Variants in EIF4A2 observed in about 807,000 individuals in gnomAD.
EIF4A2 encodes the protein eukaryotic translation initiation factor 4A2, also known as eukaryotic initiation factor 4A-II.
A neutral mutation model predicts 50.6 loss-of-function variants in EIF4A2; 9 were observed. The observed-to-expected ratio is 0.18, with a 90% CI of 0.11 to 0.31. The LOEUF is 0.31. EIF4A2 is among the 10% of genes least tolerant of loss of function. The pLI, the probability that EIF4A2 is intolerant of heterozygous loss-of-function variation, is 1.00. For missense variants in EIF4A2, 182 were observed against 501.8 expected (o/e 0.36, Z 6.09); for synonymous variants, 215 against 164.4 (o/e 1.31, Z -2.35).
intron 1 of EIF4A2, 171 bp downstream of exon 1, chr3:186,783,810 G>A (rs1308672402): frequency 2.8e-6 from 3 of 1,061,986 alleles, no homozygotes; most frequent in South Asian, 2.9e-5. Context: ...CGGATTGTGG[G>A]GAGATAGGAC....
chr3:186,784,300 C>G, intron 1 of EIF4A2, 132 bp from the exon 2 acceptor site: 1 of 1,321,598 alleles, frequency 7.6e-7, no homozygotes, highest in African/African-American at 1.5e-5. Flanking sequence ...TGTGGATATT[C>G]GCCCTGAGGC....
chr3:186,783,860 C>G (rs912861984), intron 1 of EIF4A2: 2 of 624,244 alleles, frequency 3.2e-6, no homozygotes, highest in Admixed American at 3.0e-5. Flanking sequence ...TTTTTCCTCT[C>G]TAAGACATTA....
rs1721995304 is a variant in EIF4A2, at chr3:186,789,521, A to G, written c.*252A>G. 1 of 391,660 alleles carries G rather than the reference A, an allele frequency of 2.6e-6. No individual in the cohort carries two copies. The highest frequency in any genetic ancestry group is 4.5e-6 in the Non-Finnish European group (1 of 222,418). The allele number at this position is 391,660 out of a possible 1,614,324, so 24.3% of individuals were successfully genotyped here. ...GGGGTCTGTAAAATCTTTCTTTCTTAGAAATTTATTTCCTAGTTCTGTAGA... is the reference window on the plus strand; with the variant it reads ...GGGGTCTGTAAAATCTTTCTTTCTTGGAAATTTATTTCCTAGTTCTGTAGA... On this transcript the variant is annotated 3_prime_UTR_variant, in exon 11 of 11. Transcript: ENST00000323963.
chr3:186,789,031 G>GT, intron 10 of EIF4A2, 94 bp from the exon 11 acceptor site: 1 of 1,486,580 alleles, frequency 6.7e-7, no homozygotes, highest in Non-Finnish European at 9.0e-7. Context: ...ACCTTGATAA[G>GT]TAAACAGCAG....
chr3:186,789,853 C>T lies in EIF4A2; in HGVS notation c.*584C>T. On this transcript the variant is annotated 3_prime_UTR_variant, in exon 11 of 11. Transcript: ENST00000323963. ...AGTAAAATTGCCATATTGCACATGT[C>T]TTAATGAAGTTTGAATGTTAAATAA... 1.4e-6 allele frequency: 1 copy of T among 735,398 alleles called. No homozygotes were observed. The highest frequency in any genetic ancestry group is 2.2e-6 in the Non-Finnish European group (1 of 447,612). The allele number at this position is 735,398 out of a possible 1,614,324, so 45.6% of individuals were successfully genotyped here. A position where few individuals can be genotyped will look rare whatever the true frequency, so the allele number is the denominator to read the frequency against.
rs953726443 is a variant in EIF4A2, at chr3:186,789,433, T to C, written c.*164T>C. On this transcript the variant is annotated 3_prime_UTR_variant, in exon 11 of 11. Transcript: ENST00000323963. ...CAAAGCGACGTTAGTCGTGAGCTCTTGTGAGGAAAGTCATTGGCTTTATCC... is the reference window on the plus strand; with the variant it reads ...CAAAGCGACGTTAGTCGTGAGCTCTCGTGAGGAAAGTCATTGGCTTTATCC... 1.0e-4 allele frequency: 101 copies of C among 989,848 alleles called. No homozygotes were observed. Among genetic ancestry groups the C allele is most frequent in the Middle Eastern group, 3.4e-4 (1 of 2,930 alleles). 61.3% of individuals were successfully genotyped at this position (989,848 alleles called of 1,614,324 possible).
chr3:186,784,732 C>T, intron 3 of EIF4A2, 36 bp downstream of exon 3: 3 of 1,611,844 alleles, frequency 1.9e-6, no homozygotes, highest in Non-Finnish European at 2.5e-6. Flanking sequence ...AATTGTTCTA[C>T]ATAGACATGA....
intron 1 of EIF4A2, chr3:186,784,155 T>G: frequency 5.2e-5 from 27 of 522,024 alleles, no homozygotes; most frequent in Middle Eastern, 5.1e-4. Context: ...GGCTTGCGCA[T>G]TGTTGGGGGC....
intron 1 of EIF4A2, 55 bp downstream of exon 1, chr3:186,783,694 G>A (rs912845929): frequency 6.2e-7 from 1 of 1,613,850 alleles, no homozygotes; most frequent in Non-Finnish European, 8.5e-7. Context: ...GGCGCCAGGG[G>A]AGATGATAGT....
chr3:186,783,597 T>G lies in EIF4A2; in HGVS notation c.-14T>G. On this transcript the variant is annotated 5_prime_UTR_variant, in exon 1 of 11. Coordinates refer to ENST00000323963, the MANE Select transcript of EIF4A2 (RefSeq NM_001967.4). ...GCTGTCTTTTCAGTCGGGCGCTGAG[T>G]GGTTTTTCGGATCATGTCTGGTGGC... 1.9e-6 allele frequency: 3 copies of G among 1,613,976 alleles called. No homozygotes were observed. The highest frequency in any genetic ancestry group is 1.6e-4 in the Middle Eastern group (1 of 6,062).
intron 4 of EIF4A2, 196 bp downstream of exon 4, chr3:186,785,297 AATAG>A: frequency 1.4e-6 from 1 of 718,096 alleles, no homozygotes; most frequent in Non-Finnish European, 2.2e-6. Flanking sequence ...GTTGTATACT[AATAG>A]ATTGAGAATC....
At chr3:186,783,715 G>A (rs938196321) in intron 1 of EIF4A2, 76 bp downstream of exon 1, 74 of 1,609,566 alleles carry the variant, frequency 4.6e-5, no homozygotes, top group Non-Finnish European at 6.2e-5. Context: ...GGATGGCACG[G>A]AGGCAAAAAC....
rs1345406617 is a variant in EIF4A2, at chr3:186,789,694, A to G, written c.*425A>G. On this transcript the variant is annotated 3_prime_UTR_variant, in exon 11 of 11. Coordinates refer to ENST00000323963, the MANE Select transcript of EIF4A2 (RefSeq NM_001967.4). ...TAGCCTGAGTAGAAAGGCCTTTAAA[A>G]TTTTTTTAGAAAGCATTTGAATGCA... 1.9e-5 allele frequency: 7 copies of G among 376,062 alleles called. No individual in the cohort carries two copies. The highest frequency in any genetic ancestry group is 2.9e-5 in the Non-Finnish European group (6 of 208,732). The allele number at this position is 376,062 out of a possible 1,614,324, so 23.3% of individuals were successfully genotyped here.
chr3:186,784,905 G>GA, intron 3 of EIF4A2, 57 bp from the exon 4 acceptor site: 2 of 1,613,484 alleles, frequency 1.2e-6, no homozygotes, highest in South Asian at 2.2e-5. Context: ...TACATGGTGT[G>GA]AAGTAGAAGT....
intron 10 of EIF4A2, 24 bp from the exon 11 acceptor site, chr3:186,789,101 G>A (rs536408594): frequency 1.2e-5 from 19 of 1,609,854 alleles, no homozygotes; most frequent in Middle Eastern, 1.7e-4. Context: ...GAGAAGTAAC[G>A]TTCTGATTCT....
In EIF4A2 at chr3:186,783,582, C is replaced by A. The variant is rs200188970; in HGVS notation, c.-29C>A. On this transcript the variant is annotated 5_prime_UTR_variant, in exon 1 of 11. Transcript: ENST00000323963. ...GGGTGGTTGGGCGCCGCTGTCTTTT[C>A]AGTCGGGCGCTGAGTGGTTTTTCGG... is the stretch of plus-strand genomic sequence containing the variant. 6.2e-7 allele frequency: 1 copy of A among 1,614,138 alleles called. No individual in the cohort carries two copies. Among genetic ancestry groups the A allele is most frequent in the East Asian group, 2.2e-5 (1 of 44,884 alleles).
rs1721780877 is a variant in EIF4A2, at chr3:186,787,183, T to C, written c.828T>C (p.Ala276=). 6.2e-7 allele frequency: 1 copy of C among 1,614,028 alleles called. No individual in the cohort carries two copies. The change falls in exon 8 of 11, where the codon GCT becomes GCC. Residue 276 remains alanine, a synonymous_variant. Coordinates refer to ENST00000323963, the MANE Select transcript of EIF4A2 (RefSeq NM_001967.4). ...ACGAGACACTGACCATTACACAGGC[T>C]GTTATTTTTCTCAATACGAGGCGCA... ...DLYETLTITQ[A]VIFLNTRRKV...
In EIF4A2 at chr3:186,789,877, A is replaced by G; in HGVS notation, c.*608A>G. ...TCTTAATGAAGTTTGAATGTTAAATAAATTGTATATTCACTTTAAAGGTGC... is the reference window on the plus strand; with the variant it reads ...TCTTAATGAAGTTTGAATGTTAAATGAATTGTATATTCACTTTAAAGGTGC... On this transcript the variant is annotated 3_prime_UTR_variant, in exon 11 of 11. Coordinates refer to ENST00000323963, the MANE Select transcript of EIF4A2 (RefSeq NM_001967.4). 1.2e-6 allele frequency: 1 copy of G among 810,416 alleles called. No homozygotes were observed. Among genetic ancestry groups the G allele is most frequent in the South Asian group, 1.7e-5 (1 of 59,874 alleles). The allele number at this position is 810,416 out of a possible 1,614,324, so 50.2% of individuals were successfully genotyped here. A position where few individuals can be genotyped will look rare whatever the true frequency, so the allele number is the denominator to read the frequency against.
At chr3:186,786,939 G>T in intron 7 of EIF4A2, 188 bp from the exon 8 acceptor site, 1 of 941,204 alleles carries the variant, frequency 1.1e-6, no homozygotes, top group Non-Finnish European at 1.6e-6. Flanking sequence ...GGCCAATTTT[G>T]GTATTTTGGG....
Sources: allele counts gnomAD v4.1 joint callset, GRCh38; gene constraint gnomAD v4.1.1; transcripts MANE v1.5; gene names NCBI Gene and HGNC (gene_info 2026-07-23, HGNC 2026-07-21).